KANK1: variants seen among roughly 807,000 people sequenced by gnomAD.
KANK1 encodes KN motif and ankyrin repeat domain-containing protein 1.
KANK1 carries 109 observed loss-of-function variants against 106.2 expected under a neutral mutation model. That is an observed-to-expected ratio of 1.03 (90% CI 0.88 to 1.20). The LOEUF (loss-of-function observed/expected upper bound fraction) is 1.20, where lower values mean the gene tolerates loss of function less well. Among genes scored for constraint, KANK1 ranks in the 50% most tolerant of loss-of-function variants. The probability of loss-of-function intolerance (pLI) is 0.00; values close to 1 mark genes in which losing one functional copy is unlikely to be tolerated. For synonymous variants in KANK1, 873 were observed against 652.2 expected, an observed-to-expected ratio of 1.34 and a Z score of -5.16; for missense variants, 2,399 against 1,710.7, an observed-to-expected ratio of 1.40 and a Z score of -7.10.
chr9:706,211 G>GTT (rs1824112723), intron 2 of KANK1, among the ~76,000 whole-genome samples: 1 of 152,152 alleles, frequency 6.6e-6, no homozygotes, highest in Non-Finnish European at 1.5e-5. Context: ...GGGTAGCCTG[G>GTT]TTTGAGCAGT....
intron 10 of KANK1, among the ~76,000 whole-genome samples, chr9:743,018 C>T (rs997113797): frequency 1.3e-5 from 2 of 152,166 alleles, no homozygotes; most frequent in Non-Finnish European, 2.9e-5. Flanking sequence ...AACTCCTTGA[C>T]CGGGAAACTC....
intron 1 of KANK1, among the ~76,000 whole-genome samples, chr9:597,856 G>A (rs1405945102): frequency 6.6e-6 from 1 of 151,280 alleles, no homozygotes; most frequent in African/African-American, 2.4e-5. Flanking sequence ...AGTAGAGATG[G>A]GGTTTCACCG....
intron 1 of KANK1, among the ~76,000 whole-genome samples, chr9:552,923 T>G (rs377750204): frequency 2.1e-3 from 315 of 152,286 alleles, no homozygotes; most frequent in African/African-American, 7.1e-3. Flanking sequence ...GGCAAGAGGA[T>G]AGCTTGAGCC....
At chr9:736,535 C>G (rs984313886) in intron 7 of KANK1, among the ~76,000 whole-genome samples, 3 of 152,014 alleles carry the variant, frequency 2.0e-5, no homozygotes, top group African/African-American at 4.8e-5. Flanking sequence ...TGGCAAAACC[C>G]TGTCTCTACA....
At chr9:615,404 A>G (rs1202726316) in intron 1 of KANK1, among the ~76,000 whole-genome samples, 2 of 151,904 alleles carry the variant, frequency 1.3e-5, no homozygotes, top group African/African-American at 2.4e-5. Context: ...TTTTCTTTCT[A>G]CAGAAGTATC....
intron 3 of KANK1, among the ~76,000 whole-genome samples, chr9:496,804 G>A (rs1253102934): frequency 6.6e-6 from 1 of 151,994 alleles, no homozygotes. Context: ...TAAATATTTG[G>A]TAAATAAATA....
chr9:579,718 AAG>A (rs762908495), intron 1 of KANK1, among the ~76,000 whole-genome samples: 4 of 152,162 alleles, frequency 2.6e-5, no homozygotes, highest in Non-Finnish European at 4.4e-5. Flanking sequence ...GAAGACCCCA[AAG>A]AGAGGAGTAG....
chr9:566,119 T>A (rs1276680770), intron 1 of KANK1, among the ~76,000 whole-genome samples: 1 of 152,232 alleles, frequency 6.6e-6, no homozygotes, highest in African/African-American at 2.4e-5. Flanking sequence ...GTGTAGTATT[T>A]GGTTTTCTGT....
At position 744,774 on chromosome 9, in the gene KANK1, A is replaced by C. The variant is rs890805887; in HGVS notation, c.3996+185A>C. 2.7e-6 allele frequency: 4 copies of C among 1,487,600 alleles called. No homozygotes were observed. The African/African-American group carries it at 5.6e-5, about 21-fold the overall frequency. 92.2% of individuals were successfully genotyped at this position (1,487,600 alleles called of 1,614,324 possible). A position where few individuals can be genotyped will look rare whatever the true frequency, so the allele number is the denominator to read the frequency against. On this transcript the variant is annotated intron_variant, in intron 11 of 11. Transcript: ENST00000382297. ...CAAAAAGCAGGAGAACTAATGTTTT[A>C]GCAGAGGCTGGACCTTGCTTGTCCT...
chr9:605,958 C>G (rs1415008288), intron 1 of KANK1, among the ~76,000 whole-genome samples: 1 of 151,634 alleles, frequency 6.6e-6, no homozygotes, highest in Non-Finnish European at 1.5e-5. Context: ...GTTCTGACTC[C>G]CTTCCCATTA....
intron 1 of KANK1, among the ~76,000 whole-genome samples, chr9:564,280 C>G (rs1817262255): frequency 6.6e-6 from 1 of 151,932 alleles, no homozygotes; most frequent in Non-Finnish European, 1.5e-5. Context: ...CCAGGATGGT[C>G]TTGACCTCCT....
At chr9:620,576 G>A (rs1832918586) in intron 1 of KANK1, among the ~76,000 whole-genome samples, 1 of 151,574 alleles carries the variant, frequency 6.6e-6, no homozygotes, top group Non-Finnish European at 1.5e-5. Context: ...CTAATTTTTT[G>A]GTATTTTTTT....
chr9:657,377 G>T (rs911887152), intron 1 of KANK1, among the ~76,000 whole-genome samples: 1 of 149,110 alleles, frequency 6.7e-6, no homozygotes, highest in Non-Finnish European at 1.5e-5. Flanking sequence ...TAGTTCTTTT[G>T]GGCATATACC....
chr9:727,070 A>G (rs894676649), intron 3 of KANK1, among the ~76,000 whole-genome samples: 31 of 152,352 alleles, frequency 2.0e-4, no homozygotes, highest in African/African-American at 7.5e-4. Flanking sequence ...ATTCTCCTAT[A>G]TCAAGATTTG....
chr9:498,351 A>T (rs1223080848), intron 3 of KANK1, among the ~76,000 whole-genome samples: 1 of 152,212 alleles, frequency 6.6e-6, no homozygotes, highest in Admixed American at 6.5e-5. Context: ...ACGCGTGGTC[A>T]TGTTCAGTAT....
chr9:553,880 C>G (rs1439417900), intron 1 of KANK1, among the ~76,000 whole-genome samples: 1 of 152,100 alleles, frequency 6.6e-6, no homozygotes, highest in Non-Finnish European at 1.5e-5. Context: ...AATGAATGCT[C>G]ATTTAAAAAA....
chr9:524,315 C>A (rs1167292496), intron 1 of KANK1, among the ~76,000 whole-genome samples: 1 of 148,090 alleles, frequency 6.8e-6, no homozygotes, highest in Non-Finnish European at 1.5e-5. Flanking sequence ...TTTTTTTTTT[C>A]TTGACAATAA....
chr9:548,536 G>A (rs78465842), intron 1 of KANK1, among the ~76,000 whole-genome samples: 8,193 of 152,250 alleles, frequency 0.054, 234 homozygotes, highest in African/African-American at 0.074. Context: ...AAAGAAAGCA[G>A]ACATTTGTTT....
intron 2 of KANK1, among the ~76,000 whole-genome samples, chr9:686,149 A>G (rs776097205): frequency 2.0e-5 from 3 of 152,190 alleles, no homozygotes; most frequent in Non-Finnish European, 4.4e-5. Context: ...TTTTCTAACT[A>G]AAACCAGAAA....
Sources: allele counts gnomAD v4.1 joint callset (sites outside exome capture counted in the v4.1 genomes callset), GRCh38; gene constraint gnomAD v4.1.1; transcripts MANE v1.5; gene names NCBI Gene and HGNC (gene_info 2026-07-23, HGNC 2026-07-21).